MARCHF1: variants seen among roughly 807,000 people sequenced by gnomAD.
The protein encoded by MARCHF1 is E3 ubiquitin-protein ligase MARCHF1.
Under a neutral mutation model 54.2 loss-of-function variants are expected in MARCHF1, and 40 were observed. That is an observed-to-expected ratio of 0.74 (90% CI 0.57 to 0.96). The LOEUF (loss-of-function observed/expected upper bound fraction) is 0.96. Among genes scored for constraint, MARCHF1 ranks in the 40% least tolerant of loss-of-function variants. The pLI, the probability that MARCHF1 is intolerant of heterozygous loss-of-function variation, is 0.00. For synonymous variants in MARCHF1, 236 were observed against 236.3 expected, an observed-to-expected ratio of 1.00 and a Z score of 0.01; for missense variants, 586 against 656.5, an observed-to-expected ratio of 0.89 and a Z score of 1.17.
chr4:164,259,561 A>AG (rs199777599), intron 1 of MARCHF1, among the ~76,000 whole-genome samples: 27,638 of 115,338 alleles, frequency 0.24, 3,439 homozygotes, highest in Non-Finnish European at 0.34. Context: ...AAAAAAAAAA[A>AG]AAAAGAAAAA....
intron 4 of MARCHF1, among the ~76,000 whole-genome samples, chr4:163,720,801 G>T (rs975106210): frequency 1.3e-5 from 2 of 152,150 alleles, no homozygotes; most frequent in African/African-American, 4.8e-5. Context: ...TTGTGAATGG[G>T]AGTTCACTCA....
chr4:164,122,026 AG>A (rs1216340027), intron 1 of MARCHF1, among the ~76,000 whole-genome samples: 2 of 152,206 alleles, frequency 1.3e-5, no homozygotes, highest in East Asian at 3.9e-4. Context: ...CAGGGATGCA[AG>A]TATGGTTCAA....
chr4:163,684,384 C>T (rs1473319760), intron 5 of MARCHF1, among the ~76,000 whole-genome samples: 1 of 152,094 alleles, frequency 6.6e-6, no homozygotes, highest in African/African-American at 2.4e-5. Context: ...AAGAAAAAAA[C>T]AAAACAAACA....
Position 164,186,821 on chromosome 4 carries a change from A to T in MARCHF1, c.-322-75159T>A, listed in dbSNP as rs576101514. Among the ~76,000 whole-genome samples the T allele has an allele frequency of 1.8e-4, 27 of 152,338 alleles. 1 individual carries two copies. Among genetic ancestry groups the T allele is most frequent in the African/African-American group, 6.5e-4 (27 of 41,574 alleles). On this transcript the variant is annotated intron_variant, in intron 1 of 9. Coordinates refer to ENST00000514618, the MANE Select transcript of MARCHF1 (RefSeq NM_001394959.1). Reference sequence around the variant, plus strand: ...TATAATGGTTATTCTTAAGTACGCTACCTGTGGACAGGGCATTGAAGGTGT... The same window carrying T: ...TATAATGGTTATTCTTAAGTACGCTTCCTGTGGACAGGGCATTGAAGGTGT...
intron 3 of MARCHF1, among the ~76,000 whole-genome samples, chr4:163,977,839 C>A (rs1752679717): frequency 6.6e-6 from 1 of 152,136 alleles, no homozygotes. Flanking sequence ...TTTCAACGAA[C>A]TTTTTCATTC....
intron 4 of MARCHF1, among the ~76,000 whole-genome samples, chr4:163,804,599 G>A (rs762785865): frequency 6.6e-6 from 1 of 152,246 alleles, no homozygotes; most frequent in South Asian, 2.1e-4. Context: ...CTAAATCAAT[G>A]TTTGTCACCT....
At chr4:163,703,012 C>A (rs536708713) in intron 4 of MARCHF1, among the ~76,000 whole-genome samples, 2 of 152,088 alleles carry the variant, frequency 1.3e-5, no homozygotes, top group Non-Finnish European at 2.9e-5. Flanking sequence ...CTAATTCTGG[C>A]AGGAGTACAT....
In MARCHF1 at chr4:163,528,183, A is replaced by G. The variant is rs1490228665; in HGVS notation, c.*565T>C. ...TTGCATCTATTTAAAAAAAACATGC[A>G]TCTGTCAAAATAACCAGACTCCACT... On this transcript the variant is annotated 3_prime_UTR_variant, in exon 10 of 10. Transcript: ENST00000514618. 1 of 152,642 alleles carries G rather than the reference A, an allele frequency of 6.6e-6. No homozygotes were observed. Among genetic ancestry groups the G allele is most frequent in the Non-Finnish European group, 1.5e-5 (1 of 68,066 alleles). The allele number at this position is 152,642 out of a possible 1,614,324, so 9.5% of individuals were successfully genotyped here.
At chr4:164,078,228 T>C (rs1755019259) in intron 2 of MARCHF1, among the ~76,000 whole-genome samples, 1 of 152,134 alleles carries the variant, frequency 6.6e-6, no homozygotes, top group Non-Finnish European at 1.5e-5. Context: ...TCATGTCCTC[T>C]GCAAGGACAT....
At chr4:164,145,352 G>T (rs374387631) in intron 1 of MARCHF1, among the ~76,000 whole-genome samples, 34 of 151,640 alleles carry the variant, frequency 2.2e-4, no homozygotes, top group South Asian at 8.4e-4. Flanking sequence ...TACCAAAGCC[G>T]GGCAGAGACA....
At position 164,103,972 on chromosome 4, in the gene MARCHF1, G is replaced by A. The variant is rs1000728187; in HGVS notation, c.-248+7616C>T. ...CACAGAAATACAAACTACCATCAGG[G>A]AATACTACAAACACCTCTACGCAAA... On this transcript the variant is annotated intron_variant, in intron 2 of 9. Coordinates refer to ENST00000514618, the MANE Select transcript of MARCHF1 (RefSeq NM_001394959.1). Among the ~76,000 whole-genome samples, 8 of 150,930 alleles carry A rather than the reference G, an allele frequency of 5.3e-5. 1 individual carries two copies. Among genetic ancestry groups the A allele is most frequent in the African/African-American group, 2.0e-4 (8 of 40,474 alleles).
At chr4:163,573,256 T>C (rs370751382) in intron 8 of MARCHF1, among the ~76,000 whole-genome samples, 2 of 151,468 alleles carry the variant, frequency 1.3e-5, no homozygotes, top group African/African-American at 4.8e-5. Context: ...CAAAGAGAGA[T>C]AGTTTGACTT....
chr4:163,661,323 AT>A (rs1561004358), intron 5 of MARCHF1, among the ~76,000 whole-genome samples: 1 of 151,962 alleles, frequency 6.6e-6, no homozygotes, highest in Non-Finnish European at 1.5e-5. Context: ...CAGAAAATCT[AT>A]TAATTTTATT....
chr4:163,745,591 A>T (rs972700154), intron 4 of MARCHF1, among the ~76,000 whole-genome samples: 2 of 152,148 alleles, frequency 1.3e-5, no homozygotes, highest in Admixed American at 1.3e-4. Context: ...CTCAATATGG[A>T]TCCCTCTTAT....
rs187476753 is a variant in MARCHF1, at chr4:163,625,786, T to C, written c.163-12393A>G. 2.4e-4 allele frequency among the ~76,000 whole-genome samples: 36 copies of C among 152,338 alleles called. No individual in the cohort carries two copies. The East Asian group carries it at 6.7e-3, about 29-fold the overall frequency. ...AAAGTATGAATTTCTATTTAGGAAA[T>C]ACCATAATTTTATTATGTGGAGAAG... is the stretch of plus-strand genomic sequence containing the variant. On this transcript the variant is annotated intron_variant, in intron 5 of 9. Coordinates refer to ENST00000514618, the MANE Select transcript of MARCHF1 (RefSeq NM_001394959.1).
chr4:164,147,838 T>TA (rs562737442), intron 1 of MARCHF1, among the ~76,000 whole-genome samples: 2 of 120,736 alleles, frequency 1.7e-5, no homozygotes, highest in Admixed American at 8.9e-5. Context: ...AAAAAGTCAA[T>TA]AAAAAAAATA....
intron 5 of MARCHF1, among the ~76,000 whole-genome samples, chr4:163,683,259 C>T (rs1744163578): frequency 6.6e-6 from 1 of 152,212 alleles, no homozygotes; most frequent in Non-Finnish European, 1.5e-5. Flanking sequence ...AGGTAAAAGG[C>T]ACATCTCACA....
intron 3 of MARCHF1, among the ~76,000 whole-genome samples, chr4:163,951,066 C>A (rs972872711): frequency 6.6e-6 from 1 of 152,178 alleles, no homozygotes; most frequent in Non-Finnish European, 1.5e-5. Context: ...AATATCACTT[C>A]ACTTATTTTG....
At chr4:163,657,579 T>G (rs1380919489) in intron 5 of MARCHF1, among the ~76,000 whole-genome samples, 1 of 151,802 alleles carries the variant, frequency 6.6e-6, no homozygotes, top group Non-Finnish European at 1.5e-5. Context: ...TCATATGGAA[T>G]CAAAAAGGAG....
Sources: gnomAD v4.1 joint callset for allele counts (sites outside exome capture counted in the v4.1 genomes callset) on GRCh38, gnomAD v4.1.1 for gene constraint, MANE v1.5 for transcripts, NCBI Gene and HGNC (gene_info 2026-07-23, HGNC 2026-07-21) for gene names.